SLC35D1: variants seen among roughly 807,000 people sequenced by gnomAD.
SLC35D1 encodes the protein nucleotide sugar transporter SLC35D1.
A neutral mutation model predicts 46.7 loss-of-function variants in SLC35D1; 31 were observed. The ratio of observed to expected loss-of-function variants is 0.66; its 90% confidence interval spans 0.50 to 0.90. The LOEUF is 0.90. Among genes scored for constraint, SLC35D1 ranks in the 40% least tolerant of loss-of-function variants. The pLI, the probability that SLC35D1 is intolerant of heterozygous loss-of-function variation, is 0.00. For synonymous variants in SLC35D1, 195 were observed against 164.6 expected, an observed-to-expected ratio of 1.18 and a Z score of -1.41; for missense variants, 397 against 426.2, an observed-to-expected ratio of 0.93 and a Z score of 0.60.
At chr1:67,024,104 C>T (rs192000498) in intron 8 of SLC35D1, among the ~76,000 whole-genome samples, 42 of 151,950 alleles carry the variant, frequency 2.8e-4, no homozygotes, top group African/African-American at 9.2e-4. Flanking sequence ...GCCACCACAC[C>T]CAGCTAATTT....
At chr1:67,051,227 T>G (rs1570647440) in intron 4 of SLC35D1, among the ~76,000 whole-genome samples, 1 of 152,196 alleles carries the variant, frequency 6.6e-6, no homozygotes, top group Non-Finnish European at 1.5e-5. Flanking sequence ...TCTGTCAGGT[T>G]TCTCGGGTTT....
At chr1:66,996,764 G>A (rs745632097), downstream of SLC35D1, among the ~76,000 whole-genome samples, 13 of 152,192 alleles carry the variant, frequency 8.5e-5, no homozygotes, top group African/African-American at 2.7e-4. Flanking sequence ...GCCCAATACT[G>A]ACAGCCTATG....
intron 8 of SLC35D1, among the ~76,000 whole-genome samples, chr1:67,040,245 C>A (rs929300298): frequency 6.6e-6 from 1 of 152,132 alleles, no homozygotes; most frequent in Non-Finnish European, 1.5e-5. Context: ...AATCTGCTCA[C>A]AACTCCCCAA....
At chr1:67,031,286 A>T (rs1169901913) in intron 8 of SLC35D1, among the ~76,000 whole-genome samples, 1 of 152,250 alleles carries the variant, frequency 6.6e-6, no homozygotes, top group African/African-American at 2.4e-5. Context: ...TCGCCACAGG[A>T]ATAGATCTTT....
Position 67,004,364 on chromosome 1 carries a change from G to A in SLC35D1, c.1044C>T (p.Asp348=). The change falls in exon 12 of 12, where the codon GAC becomes GAT. Residue 348 remains aspartate, a synonymous_variant. Transcript: ENST00000235345. ...GTCACACTGCTCCTTTCCCCTTAAT[G>A]TCCAGCTTGTTATTAGCCTCTGACT... ...SKQSEANNKL[D]IKGKGAV is the part of the protein sequence containing the mutation. 1 of 1,614,026 alleles carries A rather than the reference G, an allele frequency of 6.2e-7. No homozygotes were observed. Among genetic ancestry groups the A allele is most frequent in the Non-Finnish European group, 8.5e-7 (1 of 1,179,940 alleles).
rs1667385105 is a variant in SLC35D1 at position 67,003,535 on chromosome 1, A to G, written c.*805T>C. 1 of 152,388 alleles carries G rather than the reference A, an allele frequency of 6.6e-6. No individual in the cohort carries two copies. The highest frequency in any genetic ancestry group is 1.5e-5 in the Non-Finnish European group (1 of 68,100). 9.4% of individuals were successfully genotyped at this position (152,388 alleles called of 1,614,324 possible). On this transcript the variant is annotated 3_prime_UTR_variant, in exon 12 of 12. Coordinates refer to ENST00000235345, the MANE Select transcript of SLC35D1 (RefSeq NM_015139.3). ...AATTCTCAACCTTACCTGAGTCACT[A>G]TGGCAGGAGTGAGATGTTTCAACTA...
rs1452890524 is a variant in SLC35D1, at chr1:67,001,621, A to G, written c.*2719T>C. On this transcript the variant is annotated 3_prime_UTR_variant, in exon 12 of 12. Coordinates refer to ENST00000235345, the MANE Select transcript of SLC35D1 (RefSeq NM_015139.3). ...TTTCTCCCAGGAGGCAGTTAACAGG[A>G]CAAAGAATTTCTGCCTAGTAAATAT... 1.3e-5 allele frequency: 2 copies of G among 152,412 alleles called. No individual in the cohort carries two copies. The highest frequency in any genetic ancestry group is 2.9e-5 in the Non-Finnish European group (2 of 68,052). 9.4% of individuals were successfully genotyped at this position (152,412 alleles called of 1,614,324 possible). A position where few individuals can be genotyped will look rare whatever the true frequency, so the allele number is the denominator to read the frequency against.
chr1:67,047,151 C>T, intron 7 of SLC35D1, 114 bp downstream of exon 7: 1 of 770,010 alleles, frequency 1.3e-6, no homozygotes. Flanking sequence ...CCTCAGAGAG[C>T]CACTATGTCT....
At chr1:66,982,940 G>C in the SLC35D1 span, among the ~76,000 whole-genome samples, 1 of 152,180 alleles carries the variant, frequency 6.6e-6, no homozygotes, top group Non-Finnish European at 1.5e-5. Context: ...CTGACCTTGG[G>C]ACTAACCGTA....
intron 8 of SLC35D1, 124 bp from the exon 9 acceptor site, chr1:67,021,726 C>CACAG (rs1667809135): frequency 1.1e-5 from 5 of 439,752 alleles, no homozygotes; most frequent in South Asian, 2.1e-5. Flanking sequence ...CAGACACAGA[C>CACAG]ACACACACAC....
At chr1:67,026,054 C>T (rs771541680) in intron 8 of SLC35D1, among the ~76,000 whole-genome samples, 15 of 152,144 alleles carry the variant, frequency 9.9e-5, no homozygotes, top group Admixed American at 3.9e-4. Flanking sequence ...CTGAATAGAA[C>T]ACTATATGAG....
the SLC35D1 span, chr1:66,985,787 G>A: frequency 7.8e-6 from 7 of 894,350 alleles, no homozygotes; most frequent in Non-Finnish European, 9.3e-6. Flanking sequence ...TATCCAGGTG[G>A]TTAAAGCATT....
the SLC35D1 span, among the ~76,000 whole-genome samples, chr1:66,980,464 A>G: frequency 1.3e-5 from 2 of 152,178 alleles, no homozygotes. Context: ...ACATCCCTAT[A>G]TTTGTTAAAT....
intron 8 of SLC35D1, among the ~76,000 whole-genome samples, chr1:67,039,651 A>G (rs1005811181): frequency 1.3e-5 from 2 of 152,156 alleles, no homozygotes; most frequent in Non-Finnish European, 2.9e-5. Context: ...ATACATAGAA[A>G]GTTTCCATTC....
At chr1:66,996,606 G>C (rs1337235750), downstream of SLC35D1, among the ~76,000 whole-genome samples, 1 of 152,164 alleles carries the variant, frequency 6.6e-6, no homozygotes, top group African/African-American at 2.4e-5. Flanking sequence ...CTTGATGGAT[G>C]GATGAACCAA....
Position 67,013,158 on chromosome 1 carries a change from A to ATAGATATATATATATATATATG in SLC35D1, c.877-3992_877-3991insCATATATATATATATATATCTA, listed in dbSNP as rs1553264893. Among the ~76,000 whole-genome samples, 5 of 103,642 alleles carry ATAGATATATATATATATATATG rather than the reference A, an allele frequency of 4.8e-5. 2 individuals carry two copies. The highest frequency in any genetic ancestry group is 2.8e-4 in the African/African-American group (5 of 17,744). The allele number at this position is 103,642 out of a possible 152,430, so 68.0% of individuals were successfully genotyped here. On this transcript the variant is annotated intron_variant, in intron 10 of 11. Coordinates refer to ENST00000235345, the MANE Select transcript of SLC35D1 (RefSeq NM_015139.3). ...TAATTTAAGAACATATATCCTGGAGATATATATATATCCTGTTCTTAAATT... is the reference window on the plus strand; with the variant it reads ...TAATTTAAGAACATATATCCTGGAGATAGATATATATATATATATATGTATATATATATCCTGTTCTTAAATT...
chr1:67,041,110 TA>T (rs1408253217), intron 8 of SLC35D1, among the ~76,000 whole-genome samples: 1 of 152,208 alleles, frequency 6.6e-6, no homozygotes, highest in Non-Finnish European at 1.5e-5. Context: ...TACATTATAT[TA>T]AATATACAAA....
intron 11 of SLC35D1, among the ~76,000 whole-genome samples, chr1:67,006,404 C>G (rs1041694640): frequency 3.3e-5 from 5 of 152,152 alleles, no homozygotes; most frequent in South Asian, 2.1e-4. Flanking sequence ...AGTCAATTTC[C>G]CTTTGCCTCC....
intron 11 of SLC35D1, among the ~76,000 whole-genome samples, chr1:67,008,697 A>G (rs183588171): frequency 6.6e-6 from 1 of 152,204 alleles, no homozygotes; most frequent in East Asian, 1.9e-4. Context: ...AAAAATATAC[A>G]CTAAAAATGC....
Sources: gnomAD v4.1 joint callset for allele counts (sites outside exome capture counted in the v4.1 genomes callset) on GRCh38, gnomAD v4.1.1 for gene constraint, MANE v1.5 for transcripts, NCBI Gene and HGNC (gene_info 2026-07-23, HGNC 2026-07-21) for gene names.